The following SUGCT variants were observed in gnomAD, a reference collection of about 807,000 sequenced individuals.
SUGCT encodes succinyl-CoA:glutarate-CoA transferase.
Under a neutral mutation model 55.0 loss-of-function variants are expected in SUGCT, and 41 were observed. That is an observed-to-expected ratio of 0.74 (90% CI 0.58 to 0.97). The LOEUF (loss-of-function observed/expected upper bound fraction) is 0.97. Ranked by LOEUF, SUGCT falls within the 50% of genes least tolerant of loss-of-function variation. The probability of loss-of-function intolerance (pLI) is 0.00; values close to 1 mark genes in which losing one functional copy is unlikely to be tolerated. For synonymous variants in SUGCT, 187 were observed against 200.4 expected (o/e 0.93, Z 0.56); for missense variants, 568 against 547.8 (o/e 1.04, Z -0.37).
intron 7 of SUGCT, among the ~76,000 whole-genome samples, chr7:40,249,554 A>G (rs1252247463): frequency 6.6e-6 from 1 of 151,242 alleles, no homozygotes; most frequent in Non-Finnish European, 1.5e-5. Flanking sequence ...TTCTTATTTT[A>G]TGACTTAGAA....
At chr7:40,399,293 A>C (rs1338595443) in intron 9 of SUGCT, among the ~76,000 whole-genome samples, 1 of 152,220 alleles carries the variant, frequency 6.6e-6, no homozygotes, top group Admixed American at 6.5e-5. Flanking sequence ...AAAGAAATTA[A>C]AAAATCTAAA....
At chr7:40,964,278 A>C in the SUGCT span, among the ~76,000 whole-genome samples, 1 of 152,218 alleles carries the variant, frequency 6.6e-6, no homozygotes, top group Non-Finnish European at 1.5e-5. Flanking sequence ...CTTATATCAA[A>C]GAGAGAGTAT....
At chr7:40,565,606 G>A (rs1796086289) in intron 12 of SUGCT, among the ~76,000 whole-genome samples, 1 of 152,114 alleles carries the variant, frequency 6.6e-6, no homozygotes, top group Non-Finnish European at 1.5e-5. Flanking sequence ...TGATCATCGT[G>A]ACCCTGTTCT....
chr7:40,604,929 C>T (rs531727157), intron 12 of SUGCT, among the ~76,000 whole-genome samples: 63 of 152,308 alleles, frequency 4.1e-4, no homozygotes, highest in East Asian at 2.3e-3. Flanking sequence ...CACGCTGACC[C>T]GGATTCAAAG....
intron 12 of SUGCT, among the ~76,000 whole-genome samples, chr7:40,693,948 C>G (rs1475790157): frequency 8.5e-5 from 13 of 152,184 alleles, no homozygotes; most frequent in Admixed American, 8.5e-4. Context: ...GTGTTCTCAC[C>G]ATTCTTTTGG....
At chr7:41,025,711 A>G in the SUGCT span, among the ~76,000 whole-genome samples, 1 of 152,206 alleles carries the variant, frequency 6.6e-6, no homozygotes, top group Non-Finnish European at 1.5e-5. Context: ...AAAATAATTG[A>G]AAAGTTAAAT....
the SUGCT span, among the ~76,000 whole-genome samples, chr7:40,922,370 C>G: frequency 6.6e-6 from 1 of 152,126 alleles, no homozygotes; most frequent in Non-Finnish European, 1.5e-5. Flanking sequence ...TTTGCCTGTG[C>G]TTTTTAAGAC....
chr7:40,859,965 G>A (rs566713453), intron 13 of SUGCT, among the ~76,000 whole-genome samples: 111 of 152,282 alleles, frequency 7.3e-4, no homozygotes, highest in Non-Finnish European at 1.3e-3. Context: ...CGTTTCTGTG[G>A]TCACTGTTCT....
intron 9 of SUGCT, among the ~76,000 whole-genome samples, chr7:40,344,796 C>A (rs1329706873): frequency 6.6e-6 from 1 of 152,144 alleles, no homozygotes; most frequent in Non-Finnish European, 1.5e-5. Context: ...AAAAATTTCC[C>A]TTTCCTCTTT....
At chr7:40,893,430 T>A in the SUGCT span, among the ~76,000 whole-genome samples, 25,661 of 152,000 alleles carry the variant, frequency 0.17, 3,160 homozygotes, top group African/African-American at 0.36. Context: ...AATCAAAGGA[T>A]AAGGTAGGCC....
At chr7:40,288,594 A>G (rs1279206208) in intron 8 of SUGCT, among the ~76,000 whole-genome samples, 7 of 151,906 alleles carry the variant, frequency 4.6e-5, no homozygotes, top group Admixed American at 3.9e-4. Flanking sequence ...TGTTGCTTTT[A>G]TGGCAGAAGG....
At chr7:40,867,528 C>G in the SUGCT span, among the ~76,000 whole-genome samples, 1 of 151,966 alleles carries the variant, frequency 6.6e-6, no homozygotes, top group Non-Finnish European at 1.5e-5. Flanking sequence ...ATGTATAACT[C>G]CAGTAGGAGT....
intron 12 of SUGCT, among the ~76,000 whole-genome samples, chr7:40,718,350 C>G (rs1786137311): frequency 6.6e-6 from 1 of 152,096 alleles, no homozygotes; most frequent in Non-Finnish European, 1.5e-5. Flanking sequence ...GTAAGCTGAC[C>G]CTGAGTGTCA....
At chr7:40,911,079 C>T in the SUGCT span, among the ~76,000 whole-genome samples, 4 of 152,146 alleles carry the variant, frequency 2.6e-5, no homozygotes, top group Admixed American at 6.5e-5. Flanking sequence ...CCCTTCCCTT[C>T]GCCATGGCTG....
At chr7:40,262,557 C>T (rs1051639140) in intron 7 of SUGCT, among the ~76,000 whole-genome samples, 4 of 150,704 alleles carry the variant, frequency 2.7e-5, no homozygotes, top group Admixed American at 6.6e-5. Flanking sequence ...CCCAGCTACT[C>T]GGGAGGCTGA....
the SUGCT span, among the ~76,000 whole-genome samples, chr7:40,995,156 A>G: frequency 6.6e-6 from 1 of 152,146 alleles, no homozygotes; most frequent in East Asian, 1.9e-4. Flanking sequence ...ACACCAGTTA[A>G]TCCCTAGGGC....
chr7:40,767,836 A>T (rs1292933354), intron 13 of SUGCT, among the ~76,000 whole-genome samples: 4 of 152,244 alleles, frequency 2.6e-5, no homozygotes, highest in African/African-American at 9.6e-5. Flanking sequence ...CTGACATTTA[A>T]GAAAGAAAAA....
chr7:40,480,571 A>G (rs1034116305), intron 11 of SUGCT, among the ~76,000 whole-genome samples: 18 of 152,124 alleles, frequency 1.2e-4, no homozygotes, highest in Admixed American at 5.2e-4. Flanking sequence ...ACATTTTGAT[A>G]GGGTTTATAT....
At chr7:40,243,138 A>G (rs906261810) in intron 7 of SUGCT, among the ~76,000 whole-genome samples, 10 of 149,314 alleles carry the variant, frequency 6.7e-5, no homozygotes, top group African/African-American at 2.0e-4. Context: ...TTATCTATCT[A>G]TCATCTTTTT....
Sources: gnomAD v4.1 joint callset for allele counts (sites outside exome capture counted in the v4.1 genomes callset) on GRCh38, gnomAD v4.1.1 for gene constraint, MANE v1.5 for transcripts, NCBI Gene and HGNC (gene_info 2026-07-23, HGNC 2026-07-21) for gene names.